Variants in RPL24 observed in about 807,000 individuals in gnomAD.
RPL24 encodes the protein large ribosomal subunit protein eL24.
A neutral mutation model predicts 26.4 loss-of-function variants in RPL24; 7 were observed. That is an observed-to-expected ratio of 0.27 (90% CI 0.15 to 0.50). The LOEUF (loss-of-function observed/expected upper bound fraction) is 0.50, where lower values mean the gene tolerates loss of function less well. Among genes scored for constraint, RPL24 ranks in the 20% least tolerant of loss-of-function variants. The pLI, the probability that RPL24 is intolerant of heterozygous loss-of-function variation, is 0.98. For synonymous variants in RPL24, 67 were observed against 65.2 expected (o/e 1.03, Z -0.13); for missense variants, 109 against 194.9 (o/e 0.56, Z 2.62).
intron 1 of RPL24, 26 bp downstream of exon 1, chr3:101,686,646 G>C (rs371655306): frequency 2.5e-6 from 4 of 1,614,226 alleles, no homozygotes; most frequent in Admixed American, 1.7e-5. Flanking sequence ...GATGTAAGCG[G>C]ATTGGGAACC....
At chr3:101,686,161 G>T (rs952807933) in intron 2 of RPL24, 7 of 578,548 alleles carry the variant, frequency 1.2e-5, no homozygotes, top group African/African-American at 3.7e-5. Context: ...CATAGCAAAG[G>T]ACAGGGTGGT....
intron 3 of RPL24, among the ~76,000 whole-genome samples, chr3:101,683,224 T>C (rs1204706708): frequency 6.6e-6 from 1 of 152,096 alleles, no homozygotes; most frequent in Non-Finnish European, 1.5e-5. Flanking sequence ...TGAAAAAAAT[T>C]ATCATATTCA....
intron 3 of RPL24, among the ~76,000 whole-genome samples, chr3:101,684,476 T>G (rs1473135242): frequency 6.6e-6 from 1 of 152,188 alleles, no homozygotes; most frequent in Non-Finnish European, 1.5e-5. Context: ...AGCCTCATTT[T>G]AACTTTTTAA....
chr3:101,683,312 G>A (rs1226287047), intron 3 of RPL24, among the ~76,000 whole-genome samples: 1 of 152,186 alleles, frequency 6.6e-6, no homozygotes, highest in East Asian at 1.9e-4. Flanking sequence ...CCAAATGTTA[G>A]GTAGGATTTG....
Position 101,685,833 on chromosome 3 carries a change from G to A in RPL24, c.177C>T (p.His59=). Reference sequence around the variant, plus strand: ...TTCCACTTACCGACTGTCCCTTTTTGTGCTTCCTTCTGTAGAGGACAGTCC... The same window carrying A: ...TTCCACTTACCGACTGTCCCTTTTTATGCTTCCTTCTGTAGAGGACAGTCC... ...INWTVLYRRK[H]KKGQSEEIQK... is the part of the protein sequence containing the mutation. The change falls in exon 3 of 6, where the codon CAC becomes CAT. Residue 59 remains histidine (H), a synonymous_variant. Transcript: ENST00000394077. The A allele has an allele frequency of 1.9e-6, 3 of 1,599,656 alleles. No individual in the cohort carries two copies. The Middle Eastern group carries it at 5.0e-4, about 269-fold the overall frequency.
At chr3:101,681,450 A>C in intron 5 of RPL24, 1 of 508,486 alleles carries the variant, frequency 2.0e-6, no homozygotes, top group Non-Finnish European at 3.6e-6. Flanking sequence ...AACCAAGTGC[A>C]GTGTAGGATC....
In RPL24 at chr3:101,684,776, C is replaced by CAAAAAAAAAAAAAAAAAAAAAAA. The variant is rs57278210; in HGVS notation, c.192+1019_192+1041dup. On this transcript the variant is annotated intron_variant, in intron 3 of 5. Coordinates refer to ENST00000394077, the MANE Select transcript of RPL24 (RefSeq NM_000986.4). ...CTGAGCAACAGAGGACCTGTCTCCC[C>CAAAAAAAAAAAAAAAAAAAAAAA]AAAAAAAAAAAAAAAAAAAAAAAAA... Among the ~76,000 whole-genome samples, 36 of 53,206 alleles carry CAAAAAAAAAAAAAAAAAAAAAAA rather than the reference C, an allele frequency of 6.8e-4. 5 individuals are homozygous for CAAAAAAAAAAAAAAAAAAAAAAA. Among genetic ancestry groups the CAAAAAAAAAAAAAAAAAAAAAAA allele is most frequent in the Non-Finnish European group, 8.0e-4 (25 of 31,342 alleles). The allele number at this position is 53,206 out of a possible 152,430, so 34.9% of individuals were successfully genotyped here.
At chr3:101,683,427 C>A (rs1027862239) in intron 3 of RPL24, among the ~76,000 whole-genome samples, 8 of 152,098 alleles carry the variant, frequency 5.3e-5, no homozygotes, top group African/African-American at 1.9e-4. Context: ...AAGTCAAGAA[C>A]AAAGTATATT....
chr3:101,685,762 A>G, intron 3 of RPL24, 56 bp downstream of exon 3: 1 of 985,610 alleles, frequency 1.0e-6, no homozygotes, highest in Non-Finnish European at 1.6e-6. Context: ...ACCAACGTTC[A>G]GAGAGCTTTG....
At chr3:101,685,307 A>C (rs1428192973) in intron 3 of RPL24, among the ~76,000 whole-genome samples, 1 of 152,136 alleles carries the variant, frequency 6.6e-6, no homozygotes, top group Non-Finnish European at 1.5e-5. Flanking sequence ...AAAGTCCTTC[A>C]TCCAGAAGGT....
intron 3 of RPL24, among the ~76,000 whole-genome samples, chr3:101,683,920 C>T (rs1253366271): frequency 6.6e-6 from 1 of 152,024 alleles, no homozygotes; most frequent in Admixed American, 6.6e-5. Context: ...CCATGTTGCC[C>T]AGGCTGGTCT....
At chr3:101,685,195 G>C (rs1937320727) in intron 3 of RPL24, among the ~76,000 whole-genome samples, 1 of 150,932 alleles carries the variant, frequency 6.6e-6, no homozygotes, top group African/African-American at 2.4e-5. Flanking sequence ...TTCCTGAATA[G>C]TCACCCTAAT....
chr3:101,683,854 A>G (rs2108339170), intron 3 of RPL24, among the ~76,000 whole-genome samples: 1 of 151,298 alleles, frequency 6.6e-6, no homozygotes, highest in East Asian at 2.0e-4. Flanking sequence ...TGGGATCACA[A>G]GTAACCGCCA....
intron 3 of RPL24, 97 bp downstream of exon 3, chr3:101,685,721 T>G: frequency 1.6e-6 from 1 of 641,042 alleles, no homozygotes; most frequent in Non-Finnish European, 2.8e-6. Context: ...CTCTTTCGCA[T>G]ACAGTCTGAT....
intron 3 of RPL24, among the ~76,000 whole-genome samples, chr3:101,683,647 A>AT (rs945020958): frequency 6.7e-5 from 10 of 149,366 alleles, no homozygotes; most frequent in African/African-American, 1.5e-4. Flanking sequence ...ACACTTAAAC[A>AT]TTTTTTTTAT....
intron 2 of RPL24, chr3:101,686,259 C>T (rs910242696): frequency 3.7e-5 from 22 of 588,680 alleles, no homozygotes; most frequent in Non-Finnish European, 6.0e-5. Context: ...TACACCGGGA[C>T]ATCAGTTACA....
At chr3:101,682,643 C>T (rs149775104) in intron 4 of RPL24, 128 bp downstream of exon 4, 16 of 1,206,462 alleles carry the variant, frequency 1.3e-5, no homozygotes, top group Admixed American at 2.2e-5. Context: ...AAGAATTTGT[C>T]AATAATTTTC....
intron 3 of RPL24, among the ~76,000 whole-genome samples, chr3:101,683,726 A>T (rs1258869530): frequency 1.4e-4 from 16 of 114,062 alleles, no homozygotes; most frequent in African/African-American, 1.3e-4. Flanking sequence ...TTTTTTTTTT[A>T]AAGACTCAGC....
intron 3 of RPL24, among the ~76,000 whole-genome samples, chr3:101,685,144 C>T (rs539790386): frequency 2.9e-4 from 44 of 152,138 alleles, no homozygotes; most frequent in African/African-American, 1.0e-3. Context: ...GTTCCAATTT[C>T]TCCCCATCCT....
Sources: gnomAD v4.1 joint callset for allele counts (sites outside exome capture counted in the v4.1 genomes callset) on GRCh38, gnomAD v4.1.1 for gene constraint, MANE v1.5 for transcripts, NCBI Gene and HGNC (gene_info 2026-07-23, HGNC 2026-07-21) for gene names.